Variants in NKPD1 observed in about 807,000 individuals in gnomAD.
The protein encoded by NKPD1 is NTPase KAP family P-loop domain containing 1, also known as NTPase KAP family P-loop domain-containing protein 1.
Under a neutral mutation model 42.2 loss-of-function variants are expected in NKPD1, and 37 were observed. The observed-to-expected ratio is 0.88, with a 90% CI of 0.67 to 1.15. The LOEUF is 1.15. Among genes scored for constraint, NKPD1 ranks in the 50% most tolerant of loss-of-function variants. The pLI is 0.00. For synonymous variants in NKPD1, 552 were observed against 536.5 expected (o/e 1.03, Z -0.40); for missense variants, 1,113 against 1,174.6 (o/e 0.95, Z 0.77).
chr19:45,162,744 G>A (rs1969033446), upstream of NKPD1, among the ~76,000 whole-genome samples: 1 of 152,204 alleles, frequency 6.6e-6, no homozygotes, highest in Non-Finnish European at 1.5e-5. Context: ...ACTTGGCAGA[G>A]GTGCCAGTAA....
chr19:45,153,947 G>A (rs1375282994), intron 4 of NKPD1, 172 bp from the exon 5 acceptor site: 3 of 637,592 alleles, frequency 4.7e-6, no homozygotes, highest in Non-Finnish European at 7.1e-6. Flanking sequence ...GTGCAGAAGC[G>A]GGGGCGTGGA....
Position 45,153,089 on chromosome 19 carries a change from G to T in NKPD1, c.1348C>A (p.Arg450Ser). 1 of 1,574,928 alleles carries T rather than the reference G, an allele frequency of 6.3e-7. No individual in the cohort carries two copies. The change falls in exon 5 of 5, where the codon CGC (arginine) becomes AGC (serine). Residue 450 changes from arginine to serine, a missense_variant. Arg to Ser is a moderately radical substitution (Grantham distance 110). This residue lies in a region of NKPD1 where 867 missense variants were observed against 870.1 expected (regional missense o/e 1.00). Coordinates refer to ENST00000686631, the MANE Select transcript of NKPD1 (RefSeq NM_198478.4). ...ACCTCCAGCACCACGCGCAGCCTGC[G>T]CCGCTGGTAGATCTCCAGGAAGCAC... ...FLCFLEIYQR[R>S]RLRVVLEVTG... is the part of the protein sequence containing the mutation.
chr19:45,154,316 T>G (rs1209043871), intron 4 of NKPD1, among the ~76,000 whole-genome samples: 1 of 152,168 alleles, frequency 6.6e-6, no homozygotes, highest in African/African-American at 2.4e-5. Flanking sequence ...CCATTCCTAC[T>G]CTGGGTCATC....
chr19:45,152,445 C>T lies in NKPD1; in HGVS notation c.1992G>A (p.Pro664=), dbSNP rs749587871. The T allele has an allele frequency of 1.3e-6, 2 of 1,558,200 alleles. No individual in the cohort carries two copies. The highest frequency in any genetic ancestry group is 8.6e-7 in the Non-Finnish European group (1 of 1,156,348). ...VAWVVLANQW[P]CRLSWALQCL... ...ACTGCAGCGCCCAGCTCAGGCGGCA[C>T]GGCCACTGGTTGGCGAGCACCACCC... Residue 664 remains proline, a synonymous_variant, in exon 5 of 5, where the codon CCG becomes CCA. Coordinates refer to ENST00000686631, the MANE Select transcript of NKPD1 (RefSeq NM_198478.4).
At chr19:45,159,126 T>C in intron 2 of NKPD1, 26 bp from the exon 3 acceptor site, 3 of 1,255,306 alleles carry the variant, frequency 2.4e-6, no homozygotes, top group South Asian at 1.3e-5. Flanking sequence ...TGGGGGTGAC[T>C]GGGCCTGTGT....
Position 45,158,682 on chromosome 19 carries a change from G to C in NKPD1, c.510C>G (p.Ser170=). The C allele has an allele frequency of 2.0e-5, 24 of 1,180,234 alleles. No individual in the cohort carries two copies. The highest frequency in any genetic ancestry group is 2.6e-5 in the Non-Finnish European group (24 of 935,902). 73.1% of individuals were successfully genotyped at this position (1,180,234 alleles called of 1,614,324 possible). The part of the protein sequence containing the change: ...RPLPAPAACG[S]FTAYSSDILT... Reference sequence around the variant, plus strand: ...GAGCACCGGAGCTGTAGGCAGTGAAGGAGCCACAGGCCGCTGGGGCGGGCA... The same window carrying C: ...GAGCACCGGAGCTGTAGGCAGTGAACGAGCCACAGGCCGCTGGGGCGGGCA... Residue 170 remains serine (S), a synonymous_variant, in exon 3 of 5, where the codon TCC becomes TCG. Coordinates refer to ENST00000686631, the MANE Select transcript of NKPD1 (RefSeq NM_198478.4). This position sits in a 1 kb window ranked among gnomAD's most constrained non-coding sequence, Gnocchi z 4.6.
chr19:45,159,831 G>C (rs1273829630), intron 2 of NKPD1, among the ~76,000 whole-genome samples: 1 of 152,222 alleles, frequency 6.6e-6, no homozygotes, highest in Admixed American at 6.5e-5. Flanking sequence ...GGCAGGGCAG[G>C]CCAGGCGGCC....
rs1968755386 is a variant in NKPD1, at chr19:45,150,342, C to G, written c.*1596G>C. On this transcript the variant is annotated 3_prime_UTR_variant, in exon 5 of 5. Transcript: ENST00000686631. ...TTACTGAGGCATGGGGGGCTTCAGT[C>G]CTGCCCTCACCTCCAGCCAAGTCTA... 1 of 152,092 alleles carries G rather than the reference C, an allele frequency of 6.6e-6. No homozygotes were observed. Among genetic ancestry groups the G allele is most frequent in the Non-Finnish European group, 1.5e-5 (1 of 68,028 alleles). The allele number at this position is 152,092 out of a possible 1,614,324, so 9.4% of individuals were successfully genotyped here.
rs1201941489 is a variant in NKPD1, at chr19:45,152,733, G to GCCCCCGGCGT, written c.1694_1703dup (p.Glu569ArgfsTer289). 1 of 1,581,580 alleles carries GCCCCCGGCGT rather than the reference G, an allele frequency of 6.3e-7. No individual in the cohort carries two copies. The highest frequency in any genetic ancestry group is 8.6e-7 in the Non-Finnish European group (1 of 1,167,314). On this transcript the variant is annotated frameshift_variant, in exon 5 of 5. Coordinates refer to ENST00000686631, the MANE Select transcript of NKPD1 (RefSeq NM_198478.4). LOFTEE classifies it low-confidence loss of function (END_TRUNC). Reference sequence around the variant, plus strand: ...GCACCGCCAGCAGCTGCGCGCTCTCGCCCCCGGCGTCCCCCGGCAGCCACG... The same window carrying GCCCCCGGCGT: ...GCACCGCCAGCAGCTGCGCGCTCTCGCCCCCGGCGTCCCCCGGCGTCCCCCGGCAGCCACG...
intron 3 of NKPD1, among the ~76,000 whole-genome samples, chr19:45,157,693 G>A (rs1968928802): frequency 6.8e-6 from 1 of 147,948 alleles, no homozygotes; most frequent in African/African-American, 2.5e-5. Context: ...TGGGATTACA[G>A]GCATGAGCCA....
chr19:45,154,393 T>G (rs1451082833), intron 4 of NKPD1, among the ~76,000 whole-genome samples: 1 of 152,194 alleles, frequency 6.6e-6, no homozygotes, highest in Non-Finnish European at 1.5e-5. Flanking sequence ...CCTGCTTGTC[T>G]TGGTCACCGT....
intron 2 of NKPD1, among the ~76,000 whole-genome samples, chr19:45,159,370 A>G (rs968718621): frequency 3.9e-5 from 6 of 152,106 alleles, no homozygotes; most frequent in South Asian, 2.1e-4. Flanking sequence ...TGGGGCTTCA[A>G]TGGAGGCTGG....
chr19:45,161,545 C>T (rs570419206), upstream of NKPD1, among the ~76,000 whole-genome samples: 6 of 152,356 alleles, frequency 3.9e-5, no homozygotes, highest in East Asian at 9.6e-4. Flanking sequence ...GTGTGATGCC[C>T]GCTTCACAGA....
At chr19:45,161,762 G>C (rs1599727305), upstream of NKPD1, among the ~76,000 whole-genome samples, 1 of 152,232 alleles carries the variant, frequency 6.6e-6, no homozygotes, top group Non-Finnish European at 1.5e-5. Flanking sequence ...GAGATGCCCT[G>C]AAGGCCCCTC....
intron 4 of NKPD1, 179 bp from the exon 5 acceptor site, chr19:45,153,954 T>C: frequency 1.8e-6 from 1 of 559,496 alleles, no homozygotes; most frequent in South Asian, 4.5e-5. Flanking sequence ...AGCGGGGGCG[T>C]GGAGAGGCCT....
chr19:45,152,760 C>G lies in NKPD1; in HGVS notation c.1677G>C (p.Lys559Asn). The G allele has an allele frequency of 6.3e-7, 1 of 1,598,370 alleles. No individual in the cohort carries two copies. Among genetic ancestry groups the G allele is most frequent in the Non-Finnish European group, 8.5e-7 (1 of 1,174,404 alleles). ...CCCCGGCGTCCCCCGGCAGCCACGG[C>G]TTGCGCGTCATCTCGCGGTACAACA... ...DDLLYREMTRKPWLPGDAGGE... is the reference protein window; with the variant it reads ...DDLLYREMTRNPWLPGDAGGE... Residue 559 changes from lysine to asparagine, a missense_variant, in exon 5 of 5, where the codon AAG (lysine) becomes AAC (asparagine). Physicochemically the swap from Lys to Asn is moderately conservative, Grantham distance 94. This residue lies in a region of NKPD1 where 867 missense variants were observed against 870.1 expected (regional missense o/e 1.00). Transcript: ENST00000686631.
rs761045045 is a variant in NKPD1 at position 45,152,734 on chromosome 19, C to T, written c.1703G>A (p.Gly568Asp). The change falls in exon 5 of 5, where the codon GGC becomes GAC. Residue 568 changes from glycine to aspartate, a missense_variant. By Grantham distance (94) the Gly-to-Asp change is moderately conservative (BLOSUM62 -1). Transcript: ENST00000686631. ...RKPWLPGDAG[G>D]ESAQLLAVQA... is the part of the protein sequence containing the mutation. ...CACCGCCAGCAGCTGCGCGCTCTCGCCCCCGGCGTCCCCCGGCAGCCACGG... is the reference window on the plus strand; with the variant it reads ...CACCGCCAGCAGCTGCGCGCTCTCGTCCCCGGCGTCCCCCGGCAGCCACGG... 13 of 1,584,290 alleles carry T rather than the reference C, an allele frequency of 8.2e-6. No individual in the cohort carries two copies. The highest frequency in any genetic ancestry group is 6.9e-5 in the Admixed American group (4 of 57,676).
At position 45,152,460 on chromosome 19, in the gene NKPD1, G is replaced by C. The variant is rs760638462; in HGVS notation, c.1977C>G (p.Leu659=). 1.9e-6 allele frequency: 3 copies of C among 1,555,674 alleles called. No homozygotes were observed. The highest frequency in any genetic ancestry group is 2.6e-6 in the Non-Finnish European group (3 of 1,156,470). ...TPRQAVAWVV[L]ANQWPCRLSW... ...TCAGGCGGCACGGCCACTGGTTGGCGAGCACCACCCACGCCACCGCCTGGC... is the reference window on the plus strand; with the variant it reads ...TCAGGCGGCACGGCCACTGGTTGGCCAGCACCACCCACGCCACCGCCTGGC... The change falls in exon 5 of 5, where the codon CTC becomes CTG. Residue 659 remains leucine, a synonymous_variant. Coordinates refer to ENST00000686631, the MANE Select transcript of NKPD1 (RefSeq NM_198478.4).
rs1568456708 is a variant in NKPD1 at position 45,153,277 on chromosome 19, A to G, written c.1160T>C (p.Leu387Pro). ...LKVFGGAATT[L>P]SGSGLLMAVY... ...GGCCATGAGCAGCCCCGAGCCCGAC[A>G]GTGTGGTGGCCGCGCCGCCAAACAC... Residue 387 changes from leucine (L) to proline (P), a missense_variant, in exon 5 of 5, where the codon CTG becomes CCG. Physicochemically the swap from Leu to Pro is moderately conservative, Grantham distance 98 (BLOSUM62 -3). Around this residue, in one of 3 missense-constraint regions of NKPD1, gnomAD observed 867 missense variants for 870.1 expected, o/e 1.00. Coordinates refer to ENST00000686631, the MANE Select transcript of NKPD1 (RefSeq NM_198478.4). 1 of 1,598,780 alleles carries G rather than the reference A, an allele frequency of 6.3e-7. No homozygotes were observed. The highest frequency in any genetic ancestry group is 8.5e-7 in the Non-Finnish European group (1 of 1,173,774).
Sources: gnomAD v4.1 joint callset for allele counts (sites outside exome capture counted in the v4.1 genomes callset) on GRCh38, gnomAD v4.1.1 for gene constraint, gnomAD v4.1.1 regional missense constraint, Gnocchi (gnomAD v3.1) non-coding constraint, MANE v1.5 for transcripts, NCBI Gene and HGNC (gene_info 2026-07-23, HGNC 2026-07-21) for gene names.